CHD7: variants seen among roughly 807,000 people sequenced by gnomAD.
CHD7 encodes the protein ATP-dependent chromatin remodeler CHD7.
A neutral mutation model predicts 307.3 loss-of-function variants in CHD7; 24 were observed. That is an observed-to-expected ratio of 0.08 (90% CI 0.06 to 0.11). CHD7 has a LOEUF of 0.11. CHD7 is among the 10% of genes least tolerant of loss of function. The pLI, the probability that CHD7 is intolerant of heterozygous loss-of-function variation, is 1.00. For synonymous variants in CHD7, 1,363 were observed against 1,349.9 expected, an observed-to-expected ratio of 1.01 and a Z score of -0.21; for missense variants, 3,106 against 3,727.1, an observed-to-expected ratio of 0.83 and a Z score of 4.34.
rs766955491 is a variant in CHD7 at position 60,836,800 on chromosome 8, A to G, written c.3990-17A>G. 1.3e-5 allele frequency: 21 copies of G among 1,609,058 alleles called. 2 individuals carry two copies. In the South Asian group the frequency reaches 2.3e-4, roughly 18 times the overall value. On this transcript the variant is annotated splice_polypyrimidine_tract_variant and intron_variant, in intron 16 of 37. Coordinates refer to ENST00000423902, the MANE Select transcript of CHD7 (RefSeq NM_017780.4). ...CGCTATGCGTCAGGCCTCCTTGTTC[A>G]CACTGATGTTTTCTAGGTACCCATA...
intron 1 of CHD7, among the ~76,000 whole-genome samples, chr8:60,691,866 C>CT: frequency 6.6e-6 from 1 of 152,206 alleles, no homozygotes. Context: ...ATCTGGTAAG[C>CT]TTAGAATGCC....
intron 25 of CHD7, 115 bp from the exon 26 acceptor site, chr8:60,850,378 G>T: frequency 7.8e-7 from 1 of 1,287,336 alleles, no homozygotes; most frequent in Non-Finnish European, 1.1e-6. Context: ...ATTCAACAGA[G>T]ATGCTAACCT....
intron 2 of CHD7, among the ~76,000 whole-genome samples, chr8:60,760,389 C>T (rs947374495): frequency 1.4e-5 from 2 of 147,316 alleles, no homozygotes; most frequent in Non-Finnish European, 3.0e-5. Context: ...CCATAAAAAC[C>T]CTAGAAGAAA....
chr8:60,848,982 C>T, intron 24 of CHD7, 69 bp from the exon 25 acceptor site: 1 of 1,188,634 alleles, frequency 8.4e-7, no homozygotes, highest in South Asian at 1.2e-5. Flanking sequence ...GGCATGTGAG[C>T]TATGTATCAC....
chr8:60,783,486 G>A (rs773652241), intron 3 of CHD7, among the ~76,000 whole-genome samples: 5 of 152,170 alleles, frequency 3.3e-5, no homozygotes, highest in Non-Finnish European at 7.4e-5. Flanking sequence ...CAGAGTCTGT[G>A]CAGAGTAAGT....
At chr8:60,692,135 A>G (rs1376533767) in intron 1 of CHD7, among the ~76,000 whole-genome samples, 1 of 152,262 alleles carries the variant, frequency 6.6e-6, no homozygotes, top group Non-Finnish European at 1.5e-5. Flanking sequence ...CTTGTCCATC[A>G]TTCATATTAT....
intron 1 of CHD7, among the ~76,000 whole-genome samples, chr8:60,727,789 T>C (rs1808247054): frequency 6.6e-6 from 1 of 152,214 alleles, no homozygotes; most frequent in Non-Finnish European, 1.5e-5. Context: ...TGCTTTCATA[T>C]TGTACTGTCT....
Position 60,741,392 on chromosome 8 carries a change from C to T in CHD7, c.-41C>T. ...CTCAGTGAAGTGAAGCACAGGCAAG[C>T]TCCTGAGCTGTGGTTTGGAGGAGCC... On this transcript the variant is annotated 5_prime_UTR_variant, in exon 2 of 38. Coordinates refer to ENST00000423902, the MANE Select transcript of CHD7 (RefSeq NM_017780.4). The T allele has an allele frequency of 6.8e-7, 1 of 1,459,974 alleles. No homozygotes were observed. The highest frequency in any genetic ancestry group is 9.4e-7 in the Non-Finnish European group (1 of 1,065,600). 90.4% of individuals were successfully genotyped at this position (1,459,974 alleles called of 1,614,324 possible). A position where few individuals can be genotyped will look rare whatever the true frequency, so the allele number is the denominator to read the frequency against.
chr8:60,856,876 G>A lies in CHD7; in HGVS notation c.7596G>A (p.Thr2532=), dbSNP rs375969680. ...LDLLFMSHKR[T]SLSAEDAEVT... The stretch of plus-strand genomic sequence containing the variant: ...TGCTTTTCATGAGCCACAAACGGAC[G>A]TCATTGAGTGCAGTAAGTTGGGGAG... The change falls in exon 34 of 38, where the codon ACG becomes ACA. Residue 2532 remains threonine, a synonymous_variant. Coordinates refer to ENST00000423902, the MANE Select transcript of CHD7 (RefSeq NM_017780.4). 2.5e-5 allele frequency: 39 copies of A among 1,548,258 alleles called. No individual in the cohort carries two copies. The African/African-American group carries it at 3.6e-4, about 14-fold the overall frequency.
intron 3 of CHD7, among the ~76,000 whole-genome samples, chr8:60,790,770 T>C (rs1046927400): frequency 2.0e-5 from 3 of 152,176 alleles, no homozygotes; most frequent in African/African-American, 7.2e-5. Flanking sequence ...GACACACATA[T>C]AGTGCTTTGA....
chr8:60,702,186 TG>T (rs1258069086), intron 1 of CHD7, among the ~76,000 whole-genome samples: 1 of 152,142 alleles, frequency 6.6e-6, no homozygotes, highest in East Asian at 1.9e-4. Context: ...GGTGTGTGGG[TG>T]GGTGAGAGGG....
At chr8:60,717,891 G>C (rs1357700723) in intron 1 of CHD7, among the ~76,000 whole-genome samples, 1 of 152,136 alleles carries the variant, frequency 6.6e-6, no homozygotes, top group Non-Finnish European at 1.5e-5. Context: ...ACAGTAAACT[G>C]TGTTACTGGT....
At chr8:60,693,366 C>T (rs1410660410) in intron 1 of CHD7, among the ~76,000 whole-genome samples, 1 of 152,194 alleles carries the variant, frequency 6.6e-6, no homozygotes, top group Non-Finnish European at 1.5e-5. Context: ...TAGACCTTGC[C>T]ACCCCATTGC....
intron 1 of CHD7, among the ~76,000 whole-genome samples, chr8:60,734,813 G>C (rs1423316122): frequency 6.6e-6 from 1 of 152,186 alleles, no homozygotes; most frequent in African/African-American, 2.4e-5. Context: ...GGAGCATTTG[G>C]ACTGGAACCT....
In CHD7 at chr8:60,845,043, G is replaced by A. The variant is rs1402277138; in HGVS notation, c.5030G>A (p.Arg1677Gln). 9 of 1,613,914 alleles carry A rather than the reference G, an allele frequency of 5.6e-6. No homozygotes were observed. The highest frequency in any genetic ancestry group is 1.7e-5 in the Admixed American group (1 of 60,014). The change falls in exon 22 of 38, where the codon CGA becomes CAA. Residue 1677 changes from arginine (R) to glutamine (Q), a missense_variant. Physicochemically the swap from Arg to Gln is conservative, Grantham distance 43. Coordinates refer to ENST00000423902, the MANE Select transcript of CHD7 (RefSeq NM_017780.4). Reference protein sequence around the residue: ...LITPTADGQTRALVNHSGLSA... With the variant: ...LITPTADGQTQALVNHSGLSA... ...ACACCCACAGCGGATGGCCAGACTC[G>A]AGCCTTGGTCAACCATTCCGGTAGG...
chr8:60,717,500 G>A (rs1379039866), intron 1 of CHD7, among the ~76,000 whole-genome samples: 1 of 152,138 alleles, frequency 6.6e-6, no homozygotes, highest in Non-Finnish European at 1.5e-5. Flanking sequence ...TTTCTTTACT[G>A]TTACTTTCCT....
chr8:60,826,127 C>T (rs1010983337), intron 13 of CHD7, among the ~76,000 whole-genome samples: 3 of 151,974 alleles, frequency 2.0e-5, no homozygotes, highest in Non-Finnish European at 2.9e-5. Context: ...CATAATGGCA[C>T]GTATAGAAAA....
Position 60,849,079 on chromosome 8 carries a change from T to C in CHD7, c.5329T>C (p.Phe1777Leu). 6.2e-7 allele frequency: 1 copy of C among 1,613,644 alleles called. No homozygotes were observed. The highest frequency in any genetic ancestry group is 8.5e-7 in the Non-Finnish European group (1 of 1,179,642). Residue 1777 changes from phenylalanine to leucine, a missense_variant, in exon 25 of 38, where the codon TTC becomes CTC. This residue lies in a region of CHD7 where 1,030 missense variants were observed against 1,165.4 expected (regional missense o/e 0.88). Coordinates refer to ENST00000423902, the MANE Select transcript of CHD7 (RefSeq NM_017780.4). ...SEADVWIPEP[F>L]HAEVPADWWD... The stretch of plus-strand genomic sequence containing the variant: ...AGCCGATGTGTGGATCCCTGAACCT[T>C]TCCATGCTGAAGTTCCTGCAGATTG...
intron 1 of CHD7, among the ~76,000 whole-genome samples, chr8:60,697,480 TA>T (rs1806539932): frequency 1.3e-5 from 2 of 152,240 alleles, no homozygotes; most frequent in African/African-American, 4.8e-5. Context: ...GACAAATTGT[TA>T]ACATTATCCC....
Sources: allele counts gnomAD v4.1 joint callset (sites outside exome capture counted in the v4.1 genomes callset), GRCh38; gene constraint gnomAD v4.1.1; regional missense constraint gnomAD v4.1.1; transcripts MANE v1.5; gene names NCBI Gene and HGNC (gene_info 2026-07-23, HGNC 2026-07-21).